The following CFAP54 variants were observed in gnomAD, a reference collection of about 807,000 sequenced individuals.
The protein encoded by CFAP54 is cilia and flagella associated protein 54, also known as cilia- and flagella-associated protein 54.
A neutral mutation model predicts 370.4 loss-of-function variants in CFAP54; 290 were observed. The ratio of observed to expected loss-of-function variants is 0.78; its 90% CI spans 0.71 to 0.86. The LOEUF is 0.86. Among genes scored for constraint, CFAP54 ranks in the 40% least tolerant of loss-of-function variants. The pLI, the probability that CFAP54 is intolerant of heterozygous loss-of-function variation, is 0.00. For missense variants in CFAP54, 3,399 were observed against 3,528.7 expected, an observed-to-expected ratio of 0.96 and a Z score of 0.93; for synonymous variants, 1,206 against 1,236.5, an observed-to-expected ratio of 0.98 and a Z score of 0.52.
At chr12:96,824,831 A>G (rs2136746938) in intron 65 of CFAP54, among the ~76,000 whole-genome samples, 1 of 152,194 alleles carries the variant, frequency 6.6e-6, no homozygotes, top group African/African-American at 2.4e-5. Flanking sequence ...CTCTACCATT[A>G]TTCCCTCAGT....
At chr12:96,677,751 A>C (rs1433593640) in intron 39 of CFAP54, among the ~76,000 whole-genome samples, 2 of 152,150 alleles carry the variant, frequency 1.3e-5, no homozygotes, top group Non-Finnish European at 2.9e-5. Context: ...CTGAATTTGC[A>C]GGGGAAACAA....
chr12:96,693,961 A>G (rs1046002038), intron 45 of CFAP54, among the ~76,000 whole-genome samples, 153 bp downstream of exon 45: 2 of 152,244 alleles, frequency 1.3e-5, no homozygotes, highest in African/African-American at 4.8e-5. Flanking sequence ...ATAATAAAGT[A>G]TGAGAAAGAG....
In CFAP54 at chr12:96,521,888, A is replaced by G. The variant is rs867815101; in HGVS notation, c.974A>G (p.Asp325Gly). Residue 325 changes from aspartate (D) to glycine (G), a missense_variant, in exon 7 of 68, where the codon GAT becomes GGT. This residue lies in a region of CFAP54 where 559 missense variants were observed against 576.7 expected (regional missense o/e 0.97). Coordinates refer to ENST00000524981, the MANE Select transcript of CFAP54 (RefSeq NM_001306084.2). The stretch of plus-strand genomic sequence containing the variant: ...GCTCGGCGTGCTTTGGCTAAAATTG[A>G]TGAGTTAAGGCAACTGGAATTAATG... Reference protein sequence around the residue: ...AFARRALAKIDELRQLELMSS... With the variant: ...AFARRALAKIGELRQLELMSS... 1 of 1,531,400 alleles carries G rather than the reference A, an allele frequency of 6.5e-7. No homozygotes were observed. The highest frequency in any genetic ancestry group is 8.7e-7 in the Non-Finnish European group (1 of 1,142,964). 94.9% of individuals were successfully genotyped at this position (1,531,400 alleles called of 1,614,324 possible). A position where few individuals can be genotyped will look rare whatever the true frequency, so the allele number is the denominator to read the frequency against.
At chr12:96,711,904 CTG>C (rs1450112656) in intron 48 of CFAP54, among the ~76,000 whole-genome samples, 9 of 152,100 alleles carry the variant, frequency 5.9e-5, no homozygotes, top group Non-Finnish European at 1.2e-4. Flanking sequence ...GACATTTAGA[CTG>C]TTTTCTGTAA....
chr12:96,598,738 A>G lies in CFAP54; in HGVS notation c.3610A>G (p.Ile1204Val), dbSNP rs1341161030. The change falls in exon 26 of 68, where the codon ATA becomes GTA. Residue 1204 changes from isoleucine (I) to valine (V), a missense_variant. Transcript: ENST00000524981. ...TASFESIQHM[I>V]ACCIFYITKI... ...GAGCTTTGAAAGTATACAACACATG[A>G]TAGCTTGTTGTATTTTCTACATAAC... is the stretch of plus-strand genomic sequence containing the variant. The G allele has an allele frequency of 9.2e-6, 6 of 648,692 alleles. No homozygotes were observed. Among genetic ancestry groups the G allele is most frequent in the East Asian group, 5.5e-5 (2 of 36,180 alleles). 40.2% of individuals were successfully genotyped at this position (648,692 alleles called of 1,614,324 possible). A position where few individuals can be genotyped will look rare whatever the true frequency, so the allele number is the denominator to read the frequency against.
At chr12:96,864,167 C>T (rs565270182) in intron 67 of CFAP54, among the ~76,000 whole-genome samples, 6 of 152,112 alleles carry the variant, frequency 3.9e-5, no homozygotes, top group Non-Finnish European at 7.4e-5. Context: ...TATACAGTAT[C>T]TGCAAATGCT....
rs144581018 is a variant in CFAP54 at position 96,652,258 on chromosome 12, A to C, written c.5100+443A>C. On this transcript the variant is annotated intron_variant, in intron 36 of 67. Coordinates refer to ENST00000524981, the MANE Select transcript of CFAP54 (RefSeq NM_001306084.2). ...AATTTATCACACTGTGGTTTAAAGC[A>C]TGGAAATAAAATTGAAGTAATATAA... is the stretch of plus-strand genomic sequence containing the variant. Among the ~76,000 whole-genome samples, 717 of 152,344 alleles carry C rather than the reference A, an allele frequency of 4.7e-3. 4 individuals carry two copies. The highest frequency in any genetic ancestry group is 0.016 in the African/African-American group (680 of 41,576).
Position 96,691,033 on chromosome 12 carries a change from G to A in CFAP54, c.6082-95G>A, listed in dbSNP as rs1158380462. 5.2e-5 allele frequency: 54 copies of A among 1,045,422 alleles called. 1 individual carries two copies. The highest frequency in any genetic ancestry group is 7.0e-5 in the Non-Finnish European group (49 of 702,984). 64.8% of individuals were successfully genotyped at this position (1,045,422 alleles called of 1,614,324 possible). ...GTACAGTGTGCTAGGCATATACTAAGCATTTTATAAAGCAATACATGTATT... is the reference window on the plus strand; with the variant it reads ...GTACAGTGTGCTAGGCATATACTAAACATTTTATAAAGCAATACATGTATT... On this transcript the variant is annotated intron_variant, in intron 43 of 67. Transcript: ENST00000524981.
intron 26 of CFAP54, among the ~76,000 whole-genome samples, chr12:96,604,576 A>G (rs910623874): frequency 1.3e-5 from 2 of 152,228 alleles, no homozygotes; most frequent in Admixed American, 1.3e-4. Context: ...TGGAATCTAG[A>G]GAGGCAGTAG....
At chr12:96,738,112 G>C (rs1021435198) in intron 50 of CFAP54, among the ~76,000 whole-genome samples, 1 of 152,184 alleles carries the variant, frequency 6.6e-6, no homozygotes, top group South Asian at 2.1e-4. Context: ...ATCGTGGCTT[G>C]AACGAACGCG....
At chr12:96,714,836 TAGAA>T (rs1377108256) in intron 48 of CFAP54, among the ~76,000 whole-genome samples, 1 of 151,682 alleles carries the variant, frequency 6.6e-6, no homozygotes, top group Non-Finnish European at 1.5e-5. Flanking sequence ...AATCATCAAA[TAGAA>T]AGAGGGAAAA....
intron 13 of CFAP54, 40 bp downstream of exon 13, chr12:96,538,558 A>G (rs1388573782): frequency 3.9e-6 from 6 of 1,527,216 alleles, no homozygotes; most frequent in South Asian, 1.2e-5. Context: ...TTTTTTTGCT[A>G]TTGCTTATTC....
chr12:96,662,831 T>G (rs1957010218), intron 38 of CFAP54, among the ~76,000 whole-genome samples: 1 of 152,030 alleles, frequency 6.6e-6, no homozygotes, highest in South Asian at 2.1e-4. Context: ...TCCCAATCTT[T>G]GCTAAATTTT....
intron 26 of CFAP54, among the ~76,000 whole-genome samples, chr12:96,604,383 G>A (rs888803798): frequency 6.6e-6 from 1 of 152,202 alleles, no homozygotes; most frequent in Non-Finnish European, 1.5e-5. Context: ...ACTGGCAGGA[G>A]GTGTCTCCCA....
intron 15 of CFAP54, among the ~76,000 whole-genome samples, chr12:96,551,523 G>C (rs1035123497): frequency 2.1e-5 from 3 of 145,408 alleles, no homozygotes; most frequent in Non-Finnish European, 3.1e-5. Flanking sequence ...GTGTGTGTGT[G>C]TCTGTATGTA....
intron 64 of CFAP54, among the ~76,000 whole-genome samples, chr12:96,812,833 G>A (rs1223719027): frequency 6.6e-6 from 1 of 152,132 alleles, no homozygotes; most frequent in Admixed American, 6.5e-5. Context: ...ATTTTCAATT[G>A]TTCAGTCAGT....
intron 50 of CFAP54, 66 bp downstream of exon 50, chr12:96,720,631 A>G: frequency 8.4e-7 from 1 of 1,194,810 alleles, no homozygotes; most frequent in Non-Finnish European, 1.1e-6. Context: ...AGTTTATTAA[A>G]TAGACTTAAA....
intron 60 of CFAP54, among the ~76,000 whole-genome samples, chr12:96,768,028 A>G (rs1279053448): frequency 6.6e-6 from 1 of 152,110 alleles, no homozygotes; most frequent in South Asian, 2.1e-4. Context: ...AATGATAGAC[A>G]TTCATTTTTT....
At chr12:96,820,941 G>A (rs1474396654) in intron 65 of CFAP54, among the ~76,000 whole-genome samples, 1 of 151,946 alleles carries the variant, frequency 6.6e-6, no homozygotes, top group African/African-American at 2.4e-5. Flanking sequence ...CTACTATCTG[G>A]TTCATATATG....
Sources: allele counts gnomAD v4.1 joint callset (sites outside exome capture counted in the v4.1 genomes callset), GRCh38; gene constraint gnomAD v4.1.1; regional missense constraint gnomAD v4.1.1; transcripts MANE v1.5; gene names NCBI Gene and HGNC (gene_info 2026-07-23, HGNC 2026-07-21).